The following DOK6 variants were observed in gnomAD, a reference collection of about 807,000 sequenced individuals.
DOK6 encodes downstream of tyrosine kinase 6.
A neutral mutation model predicts 44.0 loss-of-function variants in DOK6; 22 were observed. The observed-to-expected ratio is 0.50, with a 90% CI of 0.36 to 0.71. The LOEUF (loss-of-function observed/expected upper bound fraction) is 0.71. DOK6 is among the 30% of genes least tolerant of loss of function. The pLI, the probability that DOK6 is intolerant of heterozygous loss-of-function variation, is 0.00. For synonymous variants in DOK6, 166 were observed against 145.5 expected (o/e 1.14, Z -1.01); for missense variants, 340 against 416.4 (o/e 0.82, Z 1.60).
At chr18:69,596,291 A>G (rs1260989456) in intron 2 of DOK6, among the ~76,000 whole-genome samples, 2 of 152,170 alleles carry the variant, frequency 1.3e-5, no homozygotes, top group African/African-American at 2.4e-5. Context: ...TCAGCCTGCA[A>G]ATAGTGGAGC....
chr18:69,774,273 T>C (rs1233159801), intron 7 of DOK6, among the ~76,000 whole-genome samples: 1 of 150,912 alleles, frequency 6.6e-6, no homozygotes, highest in African/African-American at 2.4e-5. Flanking sequence ...CCAAACATCA[T>C]ATGTTCTCAC....
chr18:69,791,661 T>C (rs1980602838), intron 7 of DOK6, among the ~76,000 whole-genome samples: 1 of 152,180 alleles, frequency 6.6e-6, no homozygotes. Flanking sequence ...TTATCCCTTA[T>C]TGGATGGGGA....
chr18:69,532,307 G>T (rs1326713797), intron 1 of DOK6, among the ~76,000 whole-genome samples: 2 of 152,054 alleles, frequency 1.3e-5, no homozygotes, highest in African/African-American at 2.4e-5. Context: ...ACAAACATTT[G>T]CAGAGCTCTC....
intron 1 of DOK6, among the ~76,000 whole-genome samples, chr18:69,506,201 G>A (rs1981181937): frequency 6.6e-6 from 1 of 151,956 alleles, no homozygotes; most frequent in Non-Finnish European, 1.5e-5. Context: ...TTTTAAAAAA[G>A]TATATAAAGT....
intron 1 of DOK6, among the ~76,000 whole-genome samples, chr18:69,534,848 A>G (rs939795786): frequency 2.6e-5 from 4 of 152,174 alleles, no homozygotes; most frequent in African/African-American, 9.6e-5. Flanking sequence ...GATAAATTAT[A>G]TAAGACATAA....
intron 3 of DOK6, among the ~76,000 whole-genome samples, chr18:69,629,135 C>T (rs1984628483): frequency 6.6e-6 from 1 of 152,144 alleles, no homozygotes; most frequent in Admixed American, 6.6e-5. Context: ...ACGGTTGCTG[C>T]CAAATTAACC....
chr18:69,441,108 G>A (rs541691433), intron 1 of DOK6, among the ~76,000 whole-genome samples: 1 of 152,056 alleles, frequency 6.6e-6, no homozygotes, highest in South Asian at 2.1e-4. Flanking sequence ...TGTGTGTATG[G>A]TTTTGTATTC....
At chr18:69,654,742 C>T (rs914165863) in intron 3 of DOK6, among the ~76,000 whole-genome samples, 4 of 152,076 alleles carry the variant, frequency 2.6e-5, no homozygotes, top group Admixed American at 1.3e-4. Context: ...AAGATTAAAC[C>T]GTTTTGTTGA....
chr18:69,689,246 T>C (rs1342668595), intron 4 of DOK6, among the ~76,000 whole-genome samples: 1 of 152,192 alleles, frequency 6.6e-6, no homozygotes, highest in Non-Finnish European at 1.5e-5. Context: ...ACAGAAGCAT[T>C]ACATGTCTTG....
At chr18:69,489,707 A>G (rs912544482) in intron 1 of DOK6, among the ~76,000 whole-genome samples, 5 of 152,054 alleles carry the variant, frequency 3.3e-5, no homozygotes, top group Non-Finnish European at 7.4e-5. Flanking sequence ...TCTCTTTCTA[A>G]TGCATATCGA....
chr18:69,629,330 A>G (rs193093892), intron 3 of DOK6, among the ~76,000 whole-genome samples: 228 of 152,320 alleles, frequency 1.5e-3, no homozygotes, highest in Admixed American at 2.5e-3. Flanking sequence ...AGTTTTGAAT[A>G]AGATATCAAA....
At chr18:69,503,439 A>C (rs1981099824) in intron 1 of DOK6, among the ~76,000 whole-genome samples, 1 of 152,134 alleles carries the variant, frequency 6.6e-6, no homozygotes, top group African/African-American at 2.4e-5. Flanking sequence ...GGAAATAAGA[A>C]AGTGCAGAAA....
At chr18:69,635,734 C>T (rs1984791168) in intron 3 of DOK6, among the ~76,000 whole-genome samples, 2 of 152,172 alleles carry the variant, frequency 1.3e-5, no homozygotes, top group South Asian at 2.1e-4. Context: ...TCCTCAGTAG[C>T]CGCATACCTA....
Position 69,416,452 on chromosome 18 carries a change from A to G in DOK6, c.66+15142A>G, listed in dbSNP as rs1050364267. 1.4e-4 allele frequency among the ~76,000 whole-genome samples: 22 copies of G among 152,164 alleles called. 1 individual carries two copies. Among genetic ancestry groups the G allele is most frequent in the Admixed American group, 1.4e-3 (21 of 15,254 alleles). On this transcript the variant is annotated intron_variant, in intron 1 of 7. Coordinates refer to ENST00000382713, the MANE Select transcript of DOK6 (RefSeq NM_152721.6). The stretch of plus-strand genomic sequence containing the variant: ...TCTCCACATTGTCACCTGTGAAAAC[A>G]TAAAAATGTCTTTTCTTTTGGAGAC...
At chr18:69,610,927 C>T (rs958956016) in intron 3 of DOK6, among the ~76,000 whole-genome samples, 1 of 151,860 alleles carries the variant, frequency 6.6e-6, no homozygotes, top group African/African-American at 2.4e-5. Flanking sequence ...TATTTAGGAG[C>T]AACTGTCATC....
chr18:69,429,331 G>A (rs1453709147), intron 1 of DOK6, among the ~76,000 whole-genome samples: 1 of 151,852 alleles, frequency 6.6e-6, no homozygotes, highest in Non-Finnish European at 1.5e-5. Flanking sequence ...AGAACATGTG[G>A]TTCTGCCCTG....
chr18:69,541,002 G>A (rs1468106358), intron 1 of DOK6, among the ~76,000 whole-genome samples: 2 of 152,156 alleles, frequency 1.3e-5, no homozygotes, highest in Middle Eastern at 3.4e-3. Flanking sequence ...ATTTGAGTGG[G>A]GGAGGAAGAA....
At chr18:69,468,450 A>G (rs935156788) in intron 1 of DOK6, among the ~76,000 whole-genome samples, 4 of 152,176 alleles carry the variant, frequency 2.6e-5, no homozygotes, top group Admixed American at 1.3e-4. Context: ...GTTAAGCTCA[A>G]TGCAATAACA....
chr18:69,674,334 T>A (rs1395286257), intron 3 of DOK6, among the ~76,000 whole-genome samples: 1 of 152,200 alleles, frequency 6.6e-6, no homozygotes, highest in Non-Finnish European at 1.5e-5. Context: ...GAGGTGAAGT[T>A]TTAGGACTGA....
Sources: allele counts gnomAD v4.1 joint callset (sites outside exome capture counted in the v4.1 genomes callset), GRCh38; gene constraint gnomAD v4.1.1; transcripts MANE v1.5; gene names NCBI Gene and HGNC (gene_info 2026-07-23, HGNC 2026-07-21).